Variants in PPP6R3 observed in about 807,000 individuals in gnomAD.
PPP6R3 encodes protein phosphatase 6 regulatory subunit 3, also known as serine/threonine-protein phosphatase 6 regulatory subunit 3.
A neutral mutation model predicts 110.7 loss-of-function variants in PPP6R3; 38 were observed. The observed-to-expected ratio is 0.34, with a 90% CI of 0.26 to 0.45. PPP6R3 has a LOEUF of 0.45. Among genes scored for constraint, PPP6R3 ranks in the 20% least tolerant of loss-of-function variants. The probability of loss-of-function intolerance (pLI) is 1.00; values close to 1 mark genes in which losing one functional copy is unlikely to be tolerated. For synonymous variants in PPP6R3, 369 were observed against 373.5 expected, an observed-to-expected ratio of 0.99 and a Z score of 0.14; for missense variants, 870 against 1,062.4, an observed-to-expected ratio of 0.82 and a Z score of 2.52.
intron 18 of PPP6R3, among the ~76,000 whole-genome samples, chr11:68,593,047 C>T (rs746663491): frequency 3.9e-5 from 6 of 152,142 alleles, no homozygotes; most frequent in Non-Finnish European, 7.3e-5. Context: ...GCATACTTGA[C>T]GTAAACTGCA....
chr11:68,603,081 G>A (rs2099636619), intron 21 of PPP6R3, among the ~76,000 whole-genome samples: 1 of 152,136 alleles, frequency 6.6e-6, no homozygotes, highest in Admixed American at 6.5e-5. Flanking sequence ...TGGGTATGGA[G>A]GTGGACGCTG....
chr11:68,614,014 A>C lies in PPP6R3; in HGVS notation c.*897A>C. 6.1e-6 allele frequency: 6 copies of C among 985,622 alleles called. No homozygotes were observed. Among genetic ancestry groups the C allele is most frequent in the Non-Finnish European group, 7.2e-6 (6 of 829,886 alleles). The allele number at this position is 985,622 out of a possible 1,614,324, so 61.1% of individuals were successfully genotyped here. ...ACCTTGTTAACAAGCATCACCAATGAACATTTCAGAGCAATCTGCATATTT... is the reference window on the plus strand; with the variant it reads ...ACCTTGTTAACAAGCATCACCAATGCACATTTCAGAGCAATCTGCATATTT... On this transcript the variant is annotated 3_prime_UTR_variant, in exon 24 of 24. Coordinates refer to ENST00000393800, the MANE Select transcript of PPP6R3 (RefSeq NM_001164161.2).
intron 1 of PPP6R3, among the ~76,000 whole-genome samples, chr11:68,476,645 C>T (rs1376197027): frequency 6.6e-6 from 1 of 152,044 alleles, no homozygotes; most frequent in African/African-American, 2.4e-5. Flanking sequence ...ATCTTTAATT[C>T]TGAATATATT....
At chr11:68,493,091 G>A (rs1003364045) in intron 1 of PPP6R3, among the ~76,000 whole-genome samples, 1 of 151,964 alleles carries the variant, frequency 6.6e-6, no homozygotes, top group Non-Finnish European at 1.5e-5. Flanking sequence ...GTTGAGTTCC[G>A]GTGCTTACTG....
chr11:68,548,774 GA>G (rs2099359157), intron 5 of PPP6R3, among the ~76,000 whole-genome samples: 1 of 152,148 alleles, frequency 6.6e-6, no homozygotes, highest in African/African-American at 2.4e-5. Flanking sequence ...TGTGCCTCTT[GA>G]ATAGATGTCT....
chr11:68,464,041 GGCCTACATTAGAATAA>G (rs1325547582), intron 1 of PPP6R3, among the ~76,000 whole-genome samples: 3 of 152,164 alleles, frequency 2.0e-5, no homozygotes, highest in Non-Finnish European at 4.4e-5. Flanking sequence ...ATGTGAGACT[GGCCTACATTAGAATAA>G]GCCTGCATTA....
intron 14 of PPP6R3, among the ~76,000 whole-genome samples, chr11:68,580,185 C>G (rs1179923306): frequency 2.6e-5 from 4 of 152,074 alleles, no homozygotes; most frequent in Admixed American, 6.6e-5. Flanking sequence ...TGCATGTTGT[C>G]CCGTGTGGAT....
chr11:68,480,748 G>T (rs773114772), intron 1 of PPP6R3, among the ~76,000 whole-genome samples: 25 of 152,182 alleles, frequency 1.6e-4, no homozygotes, highest in Admixed American at 4.6e-4. Flanking sequence ...ATAAGCGTCA[G>T]CTAGTATTCA....
intron 12 of PPP6R3, among the ~76,000 whole-genome samples, chr11:68,572,351 AG>A (rs1410837024): frequency 2.6e-5 from 4 of 152,080 alleles, no homozygotes; most frequent in African/African-American, 9.7e-5. Flanking sequence ...CCCTCTGTCT[AG>A]GGGGATCCCG....
Position 68,601,042 on chromosome 11 carries a change from T to G in PPP6R3, c.2192+548T>G, listed in dbSNP as rs555393168. 5.3e-5 allele frequency among the ~76,000 whole-genome samples: 8 copies of G among 152,376 alleles called. No individual in the cohort carries two copies. The South Asian group carries it at 1.7e-3, about 32-fold the overall frequency. ...TGTTTTGGGCTGACAGTTAGTGTCT[T>G]AGACAAACCAAAGAATAGGCTGAAA... On this transcript the variant is annotated intron_variant, in intron 20 of 23. Transcript: ENST00000393800.
intron 22 of PPP6R3, 135 bp downstream of exon 22, chr11:68,603,627 C>T: frequency 9.0e-7 from 1 of 1,105,952 alleles, no homozygotes; most frequent in Non-Finnish European, 1.3e-6. Flanking sequence ...CTGTTGTCTC[C>T]ATTAAACACA....
chr11:68,565,907 A>G (rs1186802568), intron 9 of PPP6R3, among the ~76,000 whole-genome samples: 4 of 152,188 alleles, frequency 2.6e-5, no homozygotes, highest in Non-Finnish European at 5.9e-5. Context: ...TGGGCCTTAC[A>G]GCTCTGTGAG....
intron 23 of PPP6R3, among the ~76,000 whole-genome samples, chr11:68,612,108 G>A (rs1318699911): frequency 6.6e-6 from 1 of 152,186 alleles, no homozygotes; most frequent in Non-Finnish European, 1.5e-5. Context: ...AGAACTGAGA[G>A]GGGCTAAGAA....
At chr11:68,499,748 TA>T (rs2153474741) in intron 1 of PPP6R3, among the ~76,000 whole-genome samples, 1 of 152,124 alleles carries the variant, frequency 6.6e-6, no homozygotes, top group East Asian at 1.9e-4. Context: ...CTCAGTTTTG[TA>T]TATTTTGTAG....
intron 22 of PPP6R3, among the ~76,000 whole-genome samples, chr11:68,606,026 A>G (rs538461285): frequency 1.1e-4 from 16 of 152,344 alleles, no homozygotes; most frequent in Admixed American, 2.0e-4. Flanking sequence ...CTTACAGGCT[A>G]CTGAATGCAA....
At chr11:68,556,053 A>AT (rs2099398224) in intron 7 of PPP6R3, among the ~76,000 whole-genome samples, 1 of 152,202 alleles carries the variant, frequency 6.6e-6, no homozygotes, top group Admixed American at 6.5e-5. Context: ...ATAATATGTA[A>AT]TATCTATTTG....
chr11:68,549,559 T>G (rs1188225989), intron 5 of PPP6R3, among the ~76,000 whole-genome samples: 5 of 152,184 alleles, frequency 3.3e-5, no homozygotes, highest in African/African-American at 2.4e-5. Context: ...TTGGGACACC[T>G]GTTTCCTTTT....
chr11:68,523,797 T>TG (rs2099179294), intron 2 of PPP6R3, among the ~76,000 whole-genome samples: 1 of 149,826 alleles, frequency 6.7e-6, no homozygotes, highest in African/African-American at 2.4e-5. Flanking sequence ...ATTTGAATAT[T>TG]GGACTTCCTA....
At chr11:68,564,454 T>A in intron 9 of PPP6R3, 22 bp downstream of exon 9, 1 of 1,612,892 alleles carries the variant, frequency 6.2e-7, no homozygotes, top group Non-Finnish European at 8.5e-7. Flanking sequence ...ATGTTAAGCA[T>A]GGCTGCCCAG....
Sources: allele counts gnomAD v4.1 joint callset (sites outside exome capture counted in the v4.1 genomes callset), GRCh38; gene constraint gnomAD v4.1.1; transcripts MANE v1.5; gene names NCBI Gene and HGNC (gene_info 2026-07-23, HGNC 2026-07-21).